The following SECTM1 variants were observed in gnomAD, a reference collection of about 807,000 sequenced individuals.
The protein encoded by SECTM1 is secreted and transmembrane 1.
Under a neutral mutation model 18.1 loss-of-function variants are expected in SECTM1, and 10 were observed. That is an observed-to-expected ratio of 0.55 (90% confidence interval 0.34 to 0.94). The LOEUF (loss-of-function observed/expected upper bound fraction) is 0.94. Among genes scored for constraint, SECTM1 ranks in the 40% least tolerant of loss-of-function variants. The pLI is 0.02. For synonymous variants in SECTM1, 137 were observed against 139.2 expected, an observed-to-expected ratio of 0.98 and a Z score of 0.11; for missense variants, 297 against 322.6, an observed-to-expected ratio of 0.92 and a Z score of 0.61.
rs1004443026 is a variant in SECTM1, at chr17:82,330,525, C to A, written c.-53+3175G>T. Among the ~76,000 whole-genome samples the A allele has an allele frequency of 6.6e-6, 1 of 152,250 alleles. No individual in the cohort carries two copies. Among genetic ancestry groups the A allele is most frequent in the Non-Finnish European group, 1.5e-5 (1 of 67,984 alleles). ...GCAGAGAGCTGCACCCTGAGCCAGA[C>A]CTCAGCAGCTGGGTCCTGGAGGCCC... On this transcript the variant is annotated intron_variant, in intron 1 of 4. Transcript: ENST00000269389. The surrounding 1 kb of genome is among the most constrained non-coding windows in gnomAD (Gnocchi z 6.1).
In SECTM1 at chr17:82,325,025, C is replaced by T. The variant is rs1243247269; in HGVS notation, c.95-135G>A. On this transcript the variant is annotated intron_variant, in intron 2 of 4. Coordinates refer to ENST00000269389, the MANE Select transcript of SECTM1 (RefSeq NM_003004.3). This position sits in a 1 kb window ranked among gnomAD's most constrained non-coding sequence, Gnocchi z 7.6. ...ACAGTGAACTATGTATACATCCACC[C>T]GACCCAATCAGCACATATATCTCGT... 6.7e-6 allele frequency: 5 copies of T among 745,440 alleles called. No homozygotes were observed. Among genetic ancestry groups the T allele is most frequent in the Non-Finnish European group, 1.1e-5 (5 of 467,278 alleles). The allele number at this position is 745,440 out of a possible 1,614,324, so 46.2% of individuals were successfully genotyped here. A position where few individuals can be genotyped will look rare whatever the true frequency, so the allele number is the denominator to read the frequency against.
At chr17:82,323,124 C>T in intron 3 of SECTM1, 113 bp from the exon 4 acceptor site, 1 of 1,270,510 alleles carries the variant, frequency 7.9e-7, no homozygotes, top group East Asian at 2.6e-5. Context: ...TGAGAATGAG[C>T]CTTGGAAGAC....
At chr17:82,333,145 C>T (rs1402663843) in intron 1 of SECTM1, among the ~76,000 whole-genome samples, 2 of 152,214 alleles carry the variant, frequency 1.3e-5, no homozygotes, top group Non-Finnish European at 2.9e-5. Flanking sequence ...CAACAGTCCA[C>T]GCGTGCCTGC....
intron 2 of SECTM1, 97 bp from the exon 3 acceptor site, chr17:82,324,987 G>A: frequency 8.8e-7 from 1 of 1,137,962 alleles, no homozygotes; most frequent in Non-Finnish European, 1.2e-6. Context: ...AGGAGACAGG[G>A]CCTCTAAGGG....
intron 1 of SECTM1, among the ~76,000 whole-genome samples, chr17:82,332,822 CA>C (rs1403561643): frequency 6.6e-6 from 1 of 152,216 alleles, no homozygotes; most frequent in Non-Finnish European, 1.5e-5. Flanking sequence ...GGCTCAGCAG[CA>C]GCCCCGTGGA....
At chr17:82,323,192 G>T in intron 3 of SECTM1, 181 bp from the exon 4 acceptor site, 1 of 659,652 alleles carries the variant, frequency 1.5e-6, no homozygotes, top group Non-Finnish European at 2.6e-6. Flanking sequence ...GAGAGGGGGC[G>T]CAGGACCAGA....
Position 82,322,470 on chromosome 17 carries a change from TGCACACCCCCACCCCCAG to T in SECTM1, c.538-118_538-101del, listed in dbSNP as rs1186943533. The T allele has an allele frequency of 2.6e-6, 3 of 1,140,062 alleles. No individual in the cohort carries two copies. The African/African-American group carries it at 4.6e-5, about 17-fold the overall frequency. 70.6% of individuals were successfully genotyped at this position (1,140,062 alleles called of 1,614,324 possible). A position where few individuals can be genotyped will look rare whatever the true frequency, so the allele number is the denominator to read the frequency against. On this transcript the variant is annotated intron_variant, in intron 4 of 4. Transcript: ENST00000269389. ...TCACACTCACGGGCATACGTGCTCA[TGCACACCCCCACCCCCAG>T]GCACACTCCCAGCCCTCGCCTGGGT...
chr17:82,321,632 G>A lies in SECTM1; in HGVS notation c.*529C>T, dbSNP rs1188867026. On this transcript the variant is annotated 3_prime_UTR_variant, in exon 5 of 5. Transcript: ENST00000269389. ...GCGCTGCCCCCTGGCGGTGGGGCCA[G>A]GAGCCATCCCAGCCTCTAAGCCCCC... is the stretch of plus-strand genomic sequence containing the variant. 6.5e-6 allele frequency: 1 copy of A among 154,128 alleles called. No individual in the cohort carries two copies. The highest frequency in any genetic ancestry group is 1.5e-5 in the Non-Finnish European group (1 of 68,812). 9.5% of individuals were successfully genotyped at this position (154,128 alleles called of 1,614,324 possible).
At chr17:82,323,373 G>A (rs529184789) in intron 3 of SECTM1, 12 of 233,296 alleles carry the variant, frequency 5.1e-5, no homozygotes, top group African/African-American at 2.2e-4. Flanking sequence ...CCCACCCAGG[G>A]CCAGGTATCT....
chr17:82,331,534 GACAC>G (rs1427277628), intron 1 of SECTM1, among the ~76,000 whole-genome samples: 1 of 152,216 alleles, frequency 6.6e-6, no homozygotes, highest in Non-Finnish European at 1.5e-5. Context: ...GGACACTCGG[GACAC>G]ACTTATATTA....
rs536550913 is a variant in SECTM1, at chr17:82,325,822, C to T, written c.95-932G>A. Among the ~76,000 whole-genome samples the T allele has an allele frequency of 2.7e-3, 405 of 152,320 alleles. 5 individuals carry two copies. The highest frequency in any genetic ancestry group is 9.1e-3 in the African/African-American group (379 of 41,574). The stretch of plus-strand genomic sequence containing the variant: ...GGACACGGACGGATGGACGGACAGA[C>T]GGACGGCAGGGTGAGCTCTCGGGGA... On this transcript the variant is annotated intron_variant, in intron 2 of 4. Transcript: ENST00000269389. This position sits in a 1 kb window ranked among gnomAD's most constrained non-coding sequence, Gnocchi z 7.6.
intron 1 of SECTM1, among the ~76,000 whole-genome samples, chr17:82,333,212 T>C (rs963686086): frequency 2.0e-5 from 3 of 152,194 alleles, no homozygotes; most frequent in African/African-American, 7.2e-5. Context: ...GCGAGTGCGT[T>C]TTGCTCCCAG....
intron 3 of SECTM1, 67 bp from the exon 4 acceptor site, chr17:82,323,078 A>C: frequency 6.6e-7 from 1 of 1,515,906 alleles, no homozygotes; most frequent in African/African-American, 1.4e-5. Flanking sequence ...TCCTCCGTGT[A>C]GCTCCCAGCC....
chr17:82,322,841 C>T (rs939365634), intron 4 of SECTM1, 37 bp downstream of exon 4: 3 of 1,609,986 alleles, frequency 1.9e-6, no homozygotes, highest in Non-Finnish European at 2.5e-6. Flanking sequence ...ACCCAAGACT[C>T]CCCACCCCGC....
At chr17:82,327,051 G>A (rs1308271594) in intron 2 of SECTM1, 96 bp downstream of exon 2, 1 of 896,544 alleles carries the variant, frequency 1.1e-6, no homozygotes, top group Non-Finnish European at 1.8e-6. Context: ...GGGTCTGGTG[G>A]CACCTGGACC....
intron 1 of SECTM1, among the ~76,000 whole-genome samples, chr17:82,333,476 G>C (rs1039189656): frequency 6.6e-6 from 1 of 151,438 alleles, no homozygotes; most frequent in African/African-American, 2.4e-5. Context: ...GGGCCAGCGG[G>C]GGGTGACGGT....
At chr17:82,332,266 C>T (rs1422964017) in intron 1 of SECTM1, among the ~76,000 whole-genome samples, 1 of 152,242 alleles carries the variant, frequency 6.6e-6, no homozygotes, top group African/African-American at 2.4e-5. Context: ...ACGGCAGGGT[C>T]TGAGTGCTCC....
rs186388391 is a variant in SECTM1 at position 82,326,371 on chromosome 17, G to A, written c.94+776C>T. On this transcript the variant is annotated intron_variant, in intron 2 of 4. Transcript: ENST00000269389. This position sits in a 1 kb window ranked among gnomAD's most constrained non-coding sequence, Gnocchi z 4.3. Reference sequence around the variant, plus strand: ...TCCCAGCACTTTGGGAGGCCGAGGTGGGAGGATCACTTGAGCCCAGGAGTT... The same window carrying A: ...TCCCAGCACTTTGGGAGGCCGAGGTAGGAGGATCACTTGAGCCCAGGAGTT... 3.2e-4 allele frequency among the ~76,000 whole-genome samples: 49 copies of A among 152,322 alleles called. No individual in the cohort carries two copies. The South Asian group carries it at 4.1e-3, about 13-fold the overall frequency.
chr17:82,332,825 C>G (rs1385212054), intron 1 of SECTM1, among the ~76,000 whole-genome samples: 1 of 152,218 alleles, frequency 6.6e-6, no homozygotes, highest in Non-Finnish European at 1.5e-5. Flanking sequence ...TCAGCAGCAG[C>G]CCCGTGGAGA....
Sources: gnomAD v4.1 joint callset for allele counts (sites outside exome capture counted in the v4.1 genomes callset) on GRCh38, gnomAD v4.1.1 for gene constraint, Gnocchi (gnomAD v3.1) non-coding constraint, MANE v1.5 for transcripts, NCBI Gene and HGNC (gene_info 2026-07-23, HGNC 2026-07-21) for gene names.